The following PCNX4 variants were observed in gnomAD, a reference collection of about 807,000 sequenced individuals.
The protein encoded by PCNX4 is pecanex-like protein 4.
PCNX4 carries 103 observed loss-of-function variants against 107.2 expected under a neutral mutation model. The observed-to-expected ratio is 0.96, with a 90% CI of 0.82 to 1.13. The LOEUF (loss-of-function observed/expected upper bound fraction) is 1.13. PCNX4 is among the 50% of genes most tolerant of loss of function. The pLI is 0.00. For synonymous variants in PCNX4, 541 were observed against 481.7 expected, an observed-to-expected ratio of 1.12 and a Z score of -1.61; for missense variants, 1,528 against 1,379.4, an observed-to-expected ratio of 1.11 and a Z score of -1.71.
At position 60,143,359 on chromosome 14, in the gene PCNX4, G is replaced by A. The variant is rs1896329389; in HGVS notation, c.*9138G>A. 6.6e-6 allele frequency: 1 copy of A among 152,090 alleles called. No homozygotes were observed. Among genetic ancestry groups the A allele is most frequent in the South Asian group, 2.1e-4 (1 of 4,824 alleles). The allele number at this position is 152,090 out of a possible 1,614,324, so 9.4% of individuals were successfully genotyped here. Reference sequence around the variant, plus strand: ...TTTTCATTCTTATAATTGGTGTGTTGTATTCAATAAATAATGTTGTTATTC... The same window carrying A: ...TTTTCATTCTTATAATTGGTGTGTTATATTCAATAAATAATGTTGTTATTC... On this transcript the variant is annotated 3_prime_UTR_variant, in exon 11 of 11. Coordinates refer to ENST00000406854, the MANE Select transcript of PCNX4 (RefSeq NM_001330177.2).
At chr14:60,126,666 G>T (rs1346716640) in intron 10 of PCNX4, among the ~76,000 whole-genome samples, 1 of 152,154 alleles carries the variant, frequency 6.6e-6, no homozygotes, top group African/African-American at 2.4e-5. Flanking sequence ...TTGGAGGACT[G>T]TTTCCTAGGA....
At chr14:60,114,347 G>A (rs1895798257) in intron 2 of PCNX4, among the ~76,000 whole-genome samples, 1 of 152,208 alleles carries the variant, frequency 6.6e-6, no homozygotes, top group South Asian at 2.1e-4. Flanking sequence ...GGGGAGAAAT[G>A]TTTTTGCTCT....
At chr14:60,120,192 GGAGTTGCACA>G (rs535934176) in intron 7 of PCNX4, among the ~76,000 whole-genome samples, 18 of 152,306 alleles carry the variant, frequency 1.2e-4, no homozygotes, top group African/African-American at 2.9e-4. Context: ...CAAGTCTCCA[GGAGTTGCACA>G]GAGTTGCACA....
chr14:60,108,293 AT>A lies in PCNX4; in HGVS notation c.662del (p.Phe221SerfsTer13), dbSNP rs748945774. The A allele has an allele frequency of 3.7e-6, 6 of 1,608,584 alleles. No homozygotes were observed. Among genetic ancestry groups the A allele is most frequent in the Admixed American group, 1.7e-5 (1 of 59,178 alleles). ...TATTCCTCTTATGAGACCTCTTTAT[AT>A]TTTTTTCTTTGTTTCTGTGGATCTG... is the stretch of plus-strand genomic sequence containing the variant. ...EIIPLMRPLY[I>X]FFFVSVDLAH... On this transcript the variant is annotated frameshift_variant, in exon 2 of 11. Coordinates refer to ENST00000406854, the MANE Select transcript of PCNX4 (RefSeq NM_001330177.2). LOFTEE classifies it high-confidence loss of function.
chr14:60,106,882 A>C (rs1201456885), intron 1 of PCNX4, among the ~76,000 whole-genome samples: 1 of 152,164 alleles, frequency 6.6e-6, no homozygotes, highest in East Asian at 1.9e-4. Flanking sequence ...ATAAGTTGCA[A>C]GGAATAGGGA....
In PCNX4 at chr14:60,141,469, A is replaced by C. The variant is rs1896305406; in HGVS notation, c.*7248A>C. On this transcript the variant is annotated 3_prime_UTR_variant, in exon 11 of 11. Coordinates refer to ENST00000406854, the MANE Select transcript of PCNX4 (RefSeq NM_001330177.2). ...ATCACTATAAATCAGGCAGTCATTA[A>C]AAAGATAATGAGGAAATACTGTAAC... The C allele has an allele frequency of 6.6e-6, 1 of 152,248 alleles. No individual in the cohort carries two copies. 9.4% of individuals were successfully genotyped at this position (152,248 alleles called of 1,614,324 possible).
intron 10 of PCNX4, among the ~76,000 whole-genome samples, chr14:60,127,566 G>A (rs1168172804): frequency 6.6e-6 from 1 of 152,188 alleles, no homozygotes; most frequent in Non-Finnish European, 1.5e-5. Flanking sequence ...GTAGGGAGCA[G>A]ACAGATACTG....
rs187472801 is a variant in PCNX4, at chr14:60,147,777, C to G, written c.*13556C>G. 6.6e-6 allele frequency: 1 copy of G among 152,306 alleles called. No individual in the cohort carries two copies. Among genetic ancestry groups the G allele is most frequent in the African/African-American group, 2.4e-5 (1 of 41,558 alleles). The allele number at this position is 152,306 out of a possible 1,614,324, so 9.4% of individuals were successfully genotyped here. Reference sequence around the variant, plus strand: ...CTTGCTTTAAGGGCATGGGGCAGAGCTGGGATTTGAACCCAGGTAGCCTAG... The same window carrying G: ...CTTGCTTTAAGGGCATGGGGCAGAGGTGGGATTTGAACCCAGGTAGCCTAG... On this transcript the variant is annotated 3_prime_UTR_variant, in exon 11 of 11. Coordinates refer to ENST00000406854, the MANE Select transcript of PCNX4 (RefSeq NM_001330177.2).
intron 1 of PCNX4, among the ~76,000 whole-genome samples, chr14:60,093,924 G>T (rs890873718): frequency 2.4e-4 from 37 of 152,238 alleles, no homozygotes; most frequent in Non-Finnish European, 4.6e-4. Context: ...GTTTCAGTTT[G>T]TGTTTTTCTA....
At position 60,116,059 on chromosome 14, in the gene PCNX4, T is replaced by G; in HGVS notation, c.1577T>G (p.Leu526Arg). 3.1e-6 allele frequency: 5 copies of G among 1,598,584 alleles called. No individual in the cohort carries two copies. The highest frequency in any genetic ancestry group is 4.3e-6 in the Non-Finnish European group (5 of 1,174,028). Residue 526 changes from leucine (L) to arginine (R), a missense_variant and splice_region_variant, in exon 6 of 11, where the codon CTG becomes CGG. Coordinates refer to ENST00000406854, the MANE Select transcript of PCNX4 (RefSeq NM_001330177.2). ...RSLDTGLRLL[L>R]VGIIRDRLIQ... ...CTGGATACAGGACTCAGACTCTTACTGGTAAGTGTGTCTTTTAACAGCTTT... is the reference window on the plus strand; with the variant it reads ...CTGGATACAGGACTCAGACTCTTACGGGTAAGTGTGTCTTTTAACAGCTTT...
At chr14:60,092,883 G>A (rs922641448) in intron 1 of PCNX4, among the ~76,000 whole-genome samples, 2 of 152,206 alleles carry the variant, frequency 1.3e-5, no homozygotes, top group African/African-American at 4.8e-5. Context: ...CAGTGAATCG[G>A]AAGTTGTTTT....
intron 10 of PCNX4, among the ~76,000 whole-genome samples, chr14:60,132,178 T>C (rs1896166985): frequency 6.6e-6 from 1 of 152,192 alleles, no homozygotes; most frequent in South Asian, 2.1e-4. Context: ...TGGTGGCCCT[T>C]AACATTCTTT....
rs1362700003 is a variant in PCNX4, at chr14:60,142,434, G to A, written c.*8213G>A. The A allele has an allele frequency of 6.6e-6, 1 of 151,930 alleles. No homozygotes were observed. The allele number at this position is 151,930 out of a possible 1,614,324, so 9.4% of individuals were successfully genotyped here. On this transcript the variant is annotated 3_prime_UTR_variant, in exon 11 of 11. Coordinates refer to ENST00000406854, the MANE Select transcript of PCNX4 (RefSeq NM_001330177.2). This position sits in a 1 kb window ranked among gnomAD's most constrained non-coding sequence, Gnocchi z 4.7. ...GCTGTCACCTTACACAACCCCAACTGTGTTTCAGCTTTGGAGTAATGAACA... is the reference window on the plus strand; with the variant it reads ...GCTGTCACCTTACACAACCCCAACTATGTTTCAGCTTTGGAGTAATGAACA...
chr14:60,106,275 G>A (rs77793974), intron 1 of PCNX4, among the ~76,000 whole-genome samples: 2,430 of 152,104 alleles, frequency 0.016, 81 homozygotes, highest in East Asian at 0.15. Flanking sequence ...TCATATATGC[G>A]TATAACCTAC....
rs369006497 is a variant in PCNX4 at position 60,145,187 on chromosome 14, G to A, written c.*10966G>A. The A allele has an allele frequency of 2.5e-5, 12 of 479,428 alleles. No individual in the cohort carries two copies. Among genetic ancestry groups the A allele is most frequent in the African/African-American group, 6.1e-5 (3 of 49,260 alleles). The allele number at this position is 479,428 out of a possible 1,614,324, so 29.7% of individuals were successfully genotyped here. A position where few individuals can be genotyped will look rare whatever the true frequency, so the allele number is the denominator to read the frequency against. ...TTTAAAAATCATAGCCAAAATTCTA[G>A]ATGTACACAAAAGTACTTCTAATGA... On this transcript the variant is annotated 3_prime_UTR_variant, in exon 11 of 11. Transcript: ENST00000406854. This position sits in a 1 kb window ranked among gnomAD's most constrained non-coding sequence, Gnocchi z 4.0.
intron 1 of PCNX4, among the ~76,000 whole-genome samples, chr14:60,105,206 A>G (rs1895607658): frequency 6.6e-6 from 1 of 152,194 alleles, no homozygotes. Flanking sequence ...TGGTTTTGGT[A>G]TACAGAGAGA....
chr14:60,121,868 T>C (rs780121748), intron 8 of PCNX4, among the ~76,000 whole-genome samples: 15 of 152,198 alleles, frequency 9.9e-5, no homozygotes, highest in African/African-American at 2.9e-4. Flanking sequence ...ACCAGTCTTA[T>C]TCGAACCATC....
chr14:60,138,726 T>G lies in PCNX4; in HGVS notation c.*4505T>G, dbSNP rs2140575622. The G allele has an allele frequency of 6.6e-6, 1 of 152,230 alleles. No individual in the cohort carries two copies. Among genetic ancestry groups the G allele is most frequent in the Admixed American group, 6.5e-5 (1 of 15,300 alleles). The allele number at this position is 152,230 out of a possible 1,614,324, so 9.4% of individuals were successfully genotyped here. A position where few individuals can be genotyped will look rare whatever the true frequency, so the allele number is the denominator to read the frequency against. On this transcript the variant is annotated 3_prime_UTR_variant, in exon 11 of 11. Coordinates refer to ENST00000406854, the MANE Select transcript of PCNX4 (RefSeq NM_001330177.2). ...CATTAAAGGTGATAGTAAAGGGTATTCTTCAGACAGAAGGAAAAAGATCCC... is the reference window on the plus strand; with the variant it reads ...CATTAAAGGTGATAGTAAAGGGTATGCTTCAGACAGAAGGAAAAAGATCCC...
Position 60,133,989 on chromosome 14 carries a change from T to G in PCNX4, c.3287T>G (p.Val1096Gly). Residue 1096 changes from valine to glycine, a missense_variant, in exon 11 of 11, where the codon GTG becomes GGG. By Grantham distance (109) the Val-to-Gly change is moderately radical. Coordinates refer to ENST00000406854, the MANE Select transcript of PCNX4 (RefSeq NM_001330177.2). Reference sequence around the variant, plus strand: ...TTAAAGGGAATTTACACTGGGAGAGTGCTTAGCCTTCAAGAATTATTGATC... The same window carrying G: ...TTAAAGGGAATTTACACTGGGAGAGGGCTTAGCCTTCAAGAATTATTGATC... ...DSNMGIYTGRVLSLQELLIQV... is the reference protein window; with the variant it reads ...DSNMGIYTGRGLSLQELLIQV... The G allele has an allele frequency of 1.2e-6, 2 of 1,612,846 alleles. No homozygotes were observed. Among genetic ancestry groups the G allele is most frequent in the Non-Finnish European group, 1.7e-6 (2 of 1,179,220 alleles).
Sources: allele counts gnomAD v4.1 joint callset (sites outside exome capture counted in the v4.1 genomes callset), GRCh38; gene constraint gnomAD v4.1.1; non-coding constraint Gnocchi (gnomAD v3.1); transcripts MANE v1.5; gene names NCBI Gene and HGNC (gene_info 2026-07-23, HGNC 2026-07-21).